The following ARL15 variants were observed in gnomAD, a reference collection of about 807,000 sequenced individuals.
The protein encoded by ARL15 is ARF like GTPase 15.
A neutral mutation model predicts 25.2 loss-of-function variants in ARL15; 19 were observed. The observed-to-expected ratio is 0.75, with a 90% confidence interval of 0.53 to 1.10. ARL15 has a LOEUF of 1.10. Ranked by LOEUF, ARL15 falls within the 50% of genes least tolerant of loss-of-function variation. The pLI, the probability that ARL15 is intolerant of heterozygous loss-of-function variation, is 0.00. For synonymous variants in ARL15, 94 were observed against 86.8 expected (o/e 1.08, Z -0.46); for missense variants, 220 against 246.0 (o/e 0.89, Z 0.71).
chr5:54,085,846 T>C lies in ARL15; in HGVS notation c.462+27356A>G, dbSNP rs116670369. ...GAAGAAAAGAGAAGAGGTGGATGGG[T>C]CCCAGGAGAGGCAGACTGAAATACC... is the stretch of plus-strand genomic sequence containing the variant. On this transcript the variant is annotated intron_variant, in intron 4 of 4. Transcript: ENST00000504924. 6.7e-3 allele frequency among the ~76,000 whole-genome samples: 1,021 copies of C among 151,400 alleles called. 9 individuals carry two copies. The highest frequency in any genetic ancestry group is 0.024 in the African/African-American group (982 of 41,210).
At chr5:54,064,634 T>C (rs1487798223) in intron 4 of ARL15, among the ~76,000 whole-genome samples, 1 of 152,192 alleles carries the variant, frequency 6.6e-6, no homozygotes, top group African/African-American at 2.4e-5. Flanking sequence ...GGCATGTGAT[T>C]TGACCACTCT....
At chr5:54,258,018 T>C (rs1245966615) in intron 1 of ARL15, among the ~76,000 whole-genome samples, 1 of 152,050 alleles carries the variant, frequency 6.6e-6, no homozygotes, top group Non-Finnish European at 1.5e-5. Flanking sequence ...GCTGCTGAGC[T>C]CAAAGCACTT....
intron 1 of ARL15, among the ~76,000 whole-genome samples, chr5:54,302,683 ATTTT>A (rs372704359): frequency 0.056 from 4,335 of 77,736 alleles, 91 homozygotes; most frequent in Non-Finnish European, 0.073. Context: ...TAAAATTAAG[ATTTT>A]TTTTTTTTTT....
intron 4 of ARL15, among the ~76,000 whole-genome samples, chr5:53,956,646 T>A (rs973873803): frequency 6.6e-6 from 1 of 151,280 alleles, no homozygotes; most frequent in African/African-American, 2.4e-5. Context: ...GAATGATACA[T>A]GAACAAATAG....
At chr5:53,944,694 T>G (rs915241760) in intron 4 of ARL15, among the ~76,000 whole-genome samples, 4 of 152,182 alleles carry the variant, frequency 2.6e-5, no homozygotes, top group Non-Finnish European at 2.9e-5. Context: ...ACCTTATCCT[T>G]TTCCTTGATT....
At chr5:54,182,888 G>C (rs1212782340) in intron 1 of ARL15, among the ~76,000 whole-genome samples, 2 of 150,578 alleles carry the variant, frequency 1.3e-5, no homozygotes, top group East Asian at 3.9e-4. Context: ...TGGATTCCTA[G>C]GTATTTTATT....
intron 1 of ARL15, among the ~76,000 whole-genome samples, chr5:54,242,232 T>G (rs1426802687): frequency 6.6e-6 from 1 of 152,128 alleles, no homozygotes; most frequent in Non-Finnish European, 1.5e-5. Context: ...TTTGAAGGGC[T>G]AAATGGTAAA....
At chr5:54,195,736 TTTTC>T (rs1472748883) in intron 1 of ARL15, among the ~76,000 whole-genome samples, 2 of 152,176 alleles carry the variant, frequency 1.3e-5, no homozygotes, top group East Asian at 1.9e-4. Context: ...CATCTTTCTC[TTTTC>T]TTTTAGTACA....
intron 4 of ARL15, among the ~76,000 whole-genome samples, chr5:53,988,564 A>G (rs1461506449): frequency 6.6e-6 from 1 of 152,202 alleles, no homozygotes; most frequent in Non-Finnish European, 1.5e-5. Flanking sequence ...TTTATAGGGT[A>G]TTGAATCAAG....
chr5:54,133,690 CTA>C (rs1753508494), intron 3 of ARL15, among the ~76,000 whole-genome samples: 1 of 152,088 alleles, frequency 6.6e-6, no homozygotes, highest in African/African-American at 2.4e-5. Context: ...GAAATGGTTA[CTA>C]TGTTATTCTA....
At chr5:54,285,445 AG>A in intron 1 of ARL15, 1 of 468,948 alleles carries the variant, frequency 2.1e-6, no homozygotes, top group Non-Finnish European at 2.8e-6. Flanking sequence ...TTTACTATAC[AG>A]TCCAAAAAAT....
intron 1 of ARL15, among the ~76,000 whole-genome samples, chr5:54,309,308 A>C (rs1758837287): frequency 1.3e-5 from 2 of 152,194 alleles, no homozygotes; most frequent in Admixed American, 1.3e-4. Flanking sequence ...TAGGAGAAAC[A>C]TTTTCTTTAT....
In ARL15 at chr5:54,310,465, T is replaced by C. The variant is rs35941; in HGVS notation, c.15A>G (p.Arg5=). MSDL[R]ITEAFLYMDY... is the part of the protein sequence containing the mutation. Reference sequence around the variant, plus strand: ...CCATGTACAGAAACGCCTCAGTTATTCGGAGATCAGACATCCGGCAGCCTA... The same window carrying C: ...CCATGTACAGAAACGCCTCAGTTATCCGGAGATCAGACATCCGGCAGCCTA... Residue 5 remains arginine (R), a synonymous_variant, in exon 1 of 5, where the codon CGA becomes CGG. Transcript: ENST00000504924. The C allele has an allele frequency of 0.84, 1,346,798 of 1,607,190 alleles. 565,559 individuals carry two copies. Among genetic ancestry groups the C allele is most frequent in the African/African-American group, 0.93 (69,690 of 74,854 alleles).
chr5:54,282,455 G>A (rs1758082399), intron 1 of ARL15: 15 of 985,288 alleles, frequency 1.5e-5, no homozygotes, highest in African/African-American at 1.7e-5. Flanking sequence ...TTATGAGGAA[G>A]TGGCTGAATT....
intron 4 of ARL15, among the ~76,000 whole-genome samples, chr5:53,910,278 C>T (rs913430919): frequency 6.6e-6 from 1 of 152,078 alleles, no homozygotes; most frequent in Admixed American, 6.6e-5. Context: ...TTGAAAGGGC[C>T]AGATCATCCA....
chr5:53,903,509 AT>A (rs1333047793), intron 4 of ARL15, among the ~76,000 whole-genome samples: 1 of 152,206 alleles, frequency 6.6e-6, no homozygotes, highest in African/African-American at 2.4e-5. Context: ...ACAAAACATT[AT>A]GTAGCCCAAA....
rs931189827 is a variant in ARL15, at chr5:54,310,528, C to G, written c.-49G>C. The G allele has an allele frequency of 1.0e-5, 16 of 1,557,988 alleles. No homozygotes were observed. The highest frequency in any genetic ancestry group is 1.4e-5 in the Non-Finnish European group (16 of 1,149,942). On this transcript the variant is annotated 5_prime_UTR_variant, in exon 1 of 5. Transcript: ENST00000504924. ...CGGCTCCGAACCCGGAAAAAAAAAG[C>G]AGCGTCTCTGGCTGCGAGCGAGCAG...
chr5:54,200,372 T>C (rs6866862), intron 1 of ARL15, among the ~76,000 whole-genome samples: 118,899 of 150,226 alleles, frequency 0.79, 47,600 homozygotes, highest in Middle Eastern at 0.83. Context: ...AAAAAGAAAA[T>C]AGAGCATAAT....
chr5:54,077,270 T>C (rs970993495), intron 4 of ARL15, among the ~76,000 whole-genome samples: 7 of 152,132 alleles, frequency 4.6e-5, no homozygotes, highest in African/African-American at 1.4e-4. Flanking sequence ...GGTAGGAATA[T>C]CATGAAAATA....
Sources: allele counts gnomAD v4.1 joint callset (sites outside exome capture counted in the v4.1 genomes callset), GRCh38; gene constraint gnomAD v4.1.1; transcripts MANE v1.5; gene names NCBI Gene and HGNC (gene_info 2026-07-23, HGNC 2026-07-21).